The following MOB4 variants were observed in gnomAD, a reference collection of about 807,000 sequenced individuals.
MOB4 encodes MOB-like protein phocein.
Under a neutral mutation model 32.2 loss-of-function variants are expected in MOB4, and 4 were observed. The observed-to-expected ratio is 0.12, with a 90% CI of 0.06 to 0.28. The LOEUF (loss-of-function observed/expected upper bound fraction) is 0.28. Ranked by LOEUF, MOB4 falls within the 10% of genes least tolerant of loss-of-function variation. The pLI, the probability that MOB4 is intolerant of heterozygous loss-of-function variation, is 1.00. For synonymous variants in MOB4, 88 were observed against 88.1 expected, an observed-to-expected ratio of 1.00 and a Z score of 0.01; for missense variants, 158 against 271.2, an observed-to-expected ratio of 0.58 and a Z score of 2.93.
intron 3 of MOB4, among the ~76,000 whole-genome samples, chr2:197,539,197 A>G (rs543538189): frequency 1.3e-4 from 20 of 152,246 alleles, no homozygotes; most frequent in Non-Finnish European, 2.5e-4. Context: ...AATAGGTAGG[A>G]CTTTAGGAGG....
Position 197,550,257 on chromosome 2 carries a change from T to C in MOB4, c.435-18T>C. ...TCTATCCAGTTCTAAGAATCTATGGTTTCTTTTCTACTTCTAGGGTTAGCA... is the reference window on the plus strand; with the variant it reads ...TCTATCCAGTTCTAAGAATCTATGGCTTCTTTTCTACTTCTAGGGTTAGCA... On this transcript the variant is annotated intron_variant, in intron 6 of 7. Transcript: ENST00000323303. 6.3e-7 allele frequency: 1 copy of C among 1,595,442 alleles called. No homozygotes were observed. The highest frequency in any genetic ancestry group is 1.4e-5 in the African/African-American group (1 of 73,954).
intron 6 of MOB4, among the ~76,000 whole-genome samples, chr2:197,549,002 G>A (rs2087047911): frequency 6.6e-6 from 1 of 152,166 alleles, no homozygotes; most frequent in Admixed American, 6.5e-5. Flanking sequence ...GCCGAGGCGT[G>A]CGGATCACCT....
intron 1 of MOB4, among the ~76,000 whole-genome samples, chr2:197,519,779 C>A (rs1430228803): frequency 6.6e-6 from 1 of 152,032 alleles, no homozygotes; most frequent in South Asian, 2.1e-4. Flanking sequence ...ATTTTAAAAA[C>A]AACATTCTGT....
intron 5 of MOB4, among the ~76,000 whole-genome samples, chr2:197,544,659 A>C (rs1332631702): frequency 1.3e-5 from 2 of 151,984 alleles, no homozygotes; most frequent in Admixed American, 6.6e-5. Flanking sequence ...AGGCTGAGGC[A>C]GGAGAATGAC....
At chr2:197,515,954 C>T, upstream of MOB4, 2 of 917,982 alleles carry the variant, frequency 2.2e-6, no homozygotes, top group South Asian at 1.7e-5. Context: ...GGACGGCTCC[C>T]GGCGCAGGCT....
chr2:197,546,352 C>T (rs1234425878), intron 5 of MOB4, among the ~76,000 whole-genome samples: 2 of 152,088 alleles, frequency 1.3e-5, no homozygotes, highest in African/African-American at 2.4e-5. Flanking sequence ...TGAGCCACTG[C>T]GCCCGGCCTC....
At chr2:197,519,845 T>G (rs950823324) in intron 1 of MOB4, among the ~76,000 whole-genome samples, 1 of 152,176 alleles carries the variant, frequency 6.6e-6, no homozygotes, top group African/African-American at 2.4e-5. Context: ...GGTAGAAACT[T>G]TAGATCATAT....
upstream of MOB4, chr2:197,515,884 C>T (rs1427536205): frequency 5.3e-6 from 3 of 571,210 alleles, no homozygotes; most frequent in East Asian, 6.6e-5. Flanking sequence ...CCAGTAGCCA[C>T]CCGACGCCGT....
chr2:197,516,475 A>G, intron 1 of MOB4: 10 of 1,047,496 alleles, frequency 9.5e-6, no homozygotes, highest in Non-Finnish European at 1.2e-5. Context: ...GCTGACTAGC[A>G]TTGGAGGGGC....
chr2:197,546,283 G>C (rs1041254758), intron 5 of MOB4, among the ~76,000 whole-genome samples: 3 of 152,080 alleles, frequency 2.0e-5, no homozygotes, highest in African/African-American at 7.2e-5. Context: ...GGATGGTCTT[G>C]ATCTCCTGAC....
At chr2:197,541,171 G>C (rs2086890110) in intron 5 of MOB4, among the ~76,000 whole-genome samples, 1 of 152,074 alleles carries the variant, frequency 6.6e-6, no homozygotes. Flanking sequence ...AAAGTGCTGG[G>C]ATTACAGGTG....
intron 2 of MOB4, among the ~76,000 whole-genome samples, chr2:197,530,753 AC>A (rs1163882878): frequency 6.6e-6 from 1 of 151,996 alleles, no homozygotes; most frequent in Non-Finnish European, 1.5e-5. Flanking sequence ...GGCATGCACC[AC>A]CATGCCTGAC....
intron 2 of MOB4, among the ~76,000 whole-genome samples, chr2:197,533,551 C>A (rs1176366493): frequency 6.6e-6 from 1 of 151,876 alleles, no homozygotes; most frequent in Non-Finnish European, 1.5e-5. Context: ...ATGGCGAAAC[C>A]CTGTCTCTAC....
chr2:197,535,886 CTTCTT>C (rs1055484212), intron 3 of MOB4, among the ~76,000 whole-genome samples: 4 of 149,984 alleles, frequency 2.7e-5, no homozygotes, highest in South Asian at 2.1e-4. Flanking sequence ...CTGCACCTCT[CTTCTT>C]TTCTTTTCTT....
intron 2 of MOB4, among the ~76,000 whole-genome samples, chr2:197,531,193 G>A (rs1029188032): frequency 4.6e-5 from 7 of 151,566 alleles, no homozygotes; most frequent in African/African-American, 1.7e-4. Context: ...GACTACAAGC[G>A]CCCGCCACTA....
At position 197,535,604 on chromosome 2, in the gene MOB4, A is replaced by G; in HGVS notation, c.198A>G (p.Glu66=). The G allele has an allele frequency of 5.6e-6, 9 of 1,612,936 alleles. No individual in the cohort carries two copies. The highest frequency in any genetic ancestry group is 7.6e-6 in the Non-Finnish European group (9 of 1,179,748). The part of the protein sequence containing the change: ...KILEPPEGQD[E]GVWKYEHLRQ... ...TTGAACCACCTGAAGGCCAAGATGA[A>G]GGTGTGTGGAAGTATGAACATTTAA... is the stretch of plus-strand genomic sequence containing the variant. The change falls in exon 3 of 8, where the codon GAA becomes GAG. Residue 66 remains glutamate, a synonymous_variant. Coordinates refer to ENST00000323303, the MANE Select transcript of MOB4 (RefSeq NM_015387.5).
intron 1 of MOB4, among the ~76,000 whole-genome samples, chr2:197,520,771 C>T (rs1019256620): frequency 1.3e-5 from 2 of 151,732 alleles, no homozygotes; most frequent in African/African-American, 4.8e-5. Flanking sequence ...AAAATATCCC[C>T]CTTAAGCTGG....
At chr2:197,533,119 A>G (rs568784625) in intron 2 of MOB4, among the ~76,000 whole-genome samples, 8 of 152,160 alleles carry the variant, frequency 5.3e-5, no homozygotes, top group African/African-American at 1.9e-4. Flanking sequence ...AAAAATTTCT[A>G]TCCATAGAAG....
intron 1 of MOB4, among the ~76,000 whole-genome samples, chr2:197,522,582 C>T (rs1241544060): frequency 1.3e-5 from 2 of 151,914 alleles, no homozygotes; most frequent in Non-Finnish European, 2.9e-5. Context: ...CCTTCCGCCT[C>T]GGCCTCCCAA....
Sources: allele counts gnomAD v4.1 joint callset (sites outside exome capture counted in the v4.1 genomes callset), GRCh38; gene constraint gnomAD v4.1.1; transcripts MANE v1.5; gene names NCBI Gene and HGNC (gene_info 2026-07-23, HGNC 2026-07-21).